The following PPM1E variants were observed in gnomAD, a reference collection of about 807,000 sequenced individuals.
PPM1E encodes the protein protein phosphatase, Mg2+/Mn2+ dependent 1E, also known as protein phosphatase 1E.
A neutral mutation model predicts 65.9 loss-of-function variants in PPM1E; 20 were observed. The observed-to-expected ratio is 0.30, with a 90% CI of 0.21 to 0.44. The LOEUF (loss-of-function observed/expected upper bound fraction) is 0.44, where lower values mean the gene tolerates loss of function less well. Ranked by LOEUF, PPM1E falls within the 20% of genes least tolerant of loss-of-function variation. The probability of loss-of-function intolerance (pLI) is 1.00; values close to 1 mark genes in which losing one functional copy is unlikely to be tolerated. For synonymous variants in PPM1E, 352 were observed against 374.9 expected, an observed-to-expected ratio of 0.94 and a Z score of 0.70; for missense variants, 713 against 953.1, an observed-to-expected ratio of 0.75 and a Z score of 3.32.
chr17:58,969,200 TC>T (rs890958418), intron 3 of PPM1E, among the ~76,000 whole-genome samples: 31 of 151,944 alleles, frequency 2.0e-4, no homozygotes, highest in African/African-American at 6.3e-4. Flanking sequence ...ACCCTCCCTA[TC>T]CCCCCTCCCC....
At chr17:58,823,714 T>G (rs371521488) in intron 1 of PPM1E, among the ~76,000 whole-genome samples, 1 of 152,118 alleles carries the variant, frequency 6.6e-6, no homozygotes, top group East Asian at 1.9e-4. Flanking sequence ...ATGGACGAGG[T>G]GCAGAATTTA....
intron 1 of PPM1E, among the ~76,000 whole-genome samples, chr17:58,866,944 T>C (rs1375345152): frequency 6.6e-6 from 1 of 152,192 alleles, no homozygotes; most frequent in African/African-American, 2.4e-5. Context: ...TAGAAGGAAA[T>C]GGATAAATAA....
chr17:58,850,934 C>T (rs62083402), intron 1 of PPM1E, among the ~76,000 whole-genome samples: 28,077 of 152,124 alleles, frequency 0.18, 2,762 homozygotes, highest in Non-Finnish European at 0.21. Context: ...GAGATTTGGT[C>T]TTTTCACGTA....
chr17:58,840,113 C>T (rs2050703291), intron 1 of PPM1E, among the ~76,000 whole-genome samples: 2 of 152,184 alleles, frequency 1.3e-5, no homozygotes, highest in Admixed American at 6.5e-5. Flanking sequence ...AGGAGAATTC[C>T]TCATGTGAAG....
chr17:58,936,928 C>T (rs903795843), intron 1 of PPM1E, among the ~76,000 whole-genome samples: 1 of 152,098 alleles, frequency 6.6e-6, no homozygotes, highest in African/African-American at 2.4e-5. Flanking sequence ...TCCAATCTGA[C>T]TCCTTTCCTA....
At chr17:58,769,235 A>T (rs747267582) in intron 1 of PPM1E, among the ~76,000 whole-genome samples, 2 of 152,092 alleles carry the variant, frequency 1.3e-5, no homozygotes, top group Non-Finnish European at 2.9e-5. Context: ...TTAATTCCTA[A>T]TGCAGCCATC....
intron 1 of PPM1E, chr17:58,785,458 TTATATATATATATATATATA>T (rs71367630): frequency 3.4e-5 from 3 of 88,990 alleles, no homozygotes; most frequent in Admixed American, 2.4e-4. Flanking sequence ...CCTGGCTAAT[TTATATATATATATATATATA>T]TATATATATA....
chr17:58,760,288 C>T (rs1415909516), intron 1 of PPM1E, among the ~76,000 whole-genome samples: 2 of 152,198 alleles, frequency 1.3e-5, no homozygotes, highest in African/African-American at 2.4e-5. Flanking sequence ...GCTAGAACAG[C>T]TTTACCTAGA....
chr17:58,756,605 C>A, intron 1 of PPM1E, 144 bp downstream of exon 1: 1 of 1,045,294 alleles, frequency 9.6e-7, no homozygotes, highest in Non-Finnish European at 1.2e-6. Flanking sequence ...AGCGCCCCCG[C>A]TGCTCGGACC....
chr17:58,897,380 C>T (rs1317024670), intron 1 of PPM1E, among the ~76,000 whole-genome samples: 2 of 151,048 alleles, frequency 1.3e-5, no homozygotes, highest in African/African-American at 2.4e-5. Context: ...CGCCACTGCA[C>T]TCCAGCCTGG....
chr17:58,842,160 T>A (rs2050726021), intron 1 of PPM1E, among the ~76,000 whole-genome samples: 1 of 152,056 alleles, frequency 6.6e-6, no homozygotes, highest in Admixed American at 6.6e-5. Context: ...AAACAAATTC[T>A]AATAGAGGGC....
Position 58,834,991 on chromosome 17 carries a change from T to C in PPM1E, c.464+78530T>C, listed in dbSNP as rs191000927. 9.2e-5 allele frequency among the ~76,000 whole-genome samples: 14 copies of C among 152,264 alleles called. No individual in the cohort carries two copies. The East Asian group carries it at 2.7e-3, about 29-fold the overall frequency. On this transcript the variant is annotated intron_variant, in intron 1 of 6. Transcript: ENST00000308249. Reference sequence around the variant, plus strand: ...TTCGAGAGAATTGATGTCTTTACTCTCTAAAGCCTCCGAATCCATGAGAAT... The same window carrying C: ...TTCGAGAGAATTGATGTCTTTACTCCCTAAAGCCTCCGAATCCATGAGAAT...
chr17:58,963,104 G>T (rs1404114911), intron 2 of PPM1E, among the ~76,000 whole-genome samples: 1 of 151,696 alleles, frequency 6.6e-6, no homozygotes, highest in Admixed American at 6.6e-5. Context: ...GAAAAAAAAA[G>T]CTGGGCATGG....
At chr17:58,764,068 CAA>C (rs1438192461) in intron 1 of PPM1E, among the ~76,000 whole-genome samples, 1 of 151,564 alleles carries the variant, frequency 6.6e-6, no homozygotes, top group African/African-American at 2.4e-5. Context: ...TCAATATATC[CAA>C]AATATTACTA....
At chr17:58,933,178 TTAAG>T (rs1476044388) in intron 1 of PPM1E, among the ~76,000 whole-genome samples, 2 of 152,172 alleles carry the variant, frequency 1.3e-5, no homozygotes, top group Non-Finnish European at 2.9e-5. Flanking sequence ...CGTATCCCCA[TTAAG>T]TGACACATGA....
rs529619586 is a variant in PPM1E at position 58,801,736 on chromosome 17, C to T, written c.464+45275C>T. Among the ~76,000 whole-genome samples the T allele has an allele frequency of 6.0e-5, 9 of 151,194 alleles. No individual in the cohort carries two copies. The South Asian group carries it at 6.3e-4, about 11-fold the overall frequency. ...GATTACAGGTTTGAGCCACCACGCTCGGCTCCCCTTCAGTTTTTTTTTAAT... is the reference window on the plus strand; with the variant it reads ...GATTACAGGTTTGAGCCACCACGCTTGGCTCCCCTTCAGTTTTTTTTTAAT... On this transcript the variant is annotated intron_variant, in intron 1 of 6. Transcript: ENST00000308249.
At chr17:58,923,258 C>G (rs2051776642) in intron 1 of PPM1E, among the ~76,000 whole-genome samples, 1 of 140,386 alleles carries the variant, frequency 7.1e-6, no homozygotes, top group South Asian at 2.3e-4. Flanking sequence ...ATACTCCTAT[C>G]TGGGTGACAG....
chr17:58,796,228 G>T (rs944630896), intron 1 of PPM1E, among the ~76,000 whole-genome samples: 3 of 152,182 alleles, frequency 2.0e-5, no homozygotes, highest in Admixed American at 6.6e-5. Flanking sequence ...ATTTTTTGTA[G>T]AGACAGGGTC....
intron 1 of PPM1E, among the ~76,000 whole-genome samples, chr17:58,774,312 ATGG>A (rs925488481): frequency 2.6e-5 from 4 of 152,186 alleles, no homozygotes; most frequent in African/African-American, 9.6e-5. Context: ...ACATTAGTAC[ATGG>A]TGGAGTATAA....
Sources: gnomAD v4.1 joint callset for allele counts (sites outside exome capture counted in the v4.1 genomes callset) on GRCh38, gnomAD v4.1.1 for gene constraint, MANE v1.5 for transcripts, NCBI Gene and HGNC (gene_info 2026-07-23, HGNC 2026-07-21) for gene names.